The following FBXL17 variants were observed in gnomAD, a reference collection of about 807,000 sequenced individuals.
The protein encoded by FBXL17 is F-box/LRR-repeat protein 17.
A neutral mutation model predicts 66.2 loss-of-function variants in FBXL17; 22 were observed. That is an observed-to-expected ratio of 0.33 (90% confidence interval 0.24 to 0.47). The LOEUF (loss-of-function observed/expected upper bound fraction) is 0.47, where lower values mean the gene tolerates loss of function less well. FBXL17 is among the 20% of genes least tolerant of loss of function. The pLI is 1.00. For synonymous variants in FBXL17, 474 were observed against 400.5 expected, an observed-to-expected ratio of 1.18 and a Z score of -2.19; for missense variants, 878 against 948.2, an observed-to-expected ratio of 0.93 and a Z score of 0.97.
At chr5:108,265,916 A>T (rs1347427916) in intron 4 of FBXL17, among the ~76,000 whole-genome samples, 1 of 152,136 alleles carries the variant, frequency 6.6e-6, no homozygotes, top group Non-Finnish European at 1.5e-5. Context: ...GTAAGGTTCG[A>T]CACTACAATT....
chr5:108,243,487 A>C (rs1755954271), intron 4 of FBXL17, among the ~76,000 whole-genome samples: 1 of 152,176 alleles, frequency 6.6e-6, no homozygotes, highest in Non-Finnish European at 1.5e-5. Flanking sequence ...TAGCTCACTG[A>C]GATCAACAGG....
intron 3 of FBXL17, among the ~76,000 whole-genome samples, chr5:108,359,504 ACTCAT>A (rs1386437774): frequency 6.6e-6 from 1 of 151,920 alleles, no homozygotes; most frequent in African/African-American, 2.4e-5. Flanking sequence ...TTTCATTCTC[ACTCAT>A]CTCAAGATAT....
chr5:108,336,844 T>G (rs1044427020), intron 4 of FBXL17, among the ~76,000 whole-genome samples: 2 of 152,150 alleles, frequency 1.3e-5, no homozygotes, highest in Non-Finnish European at 2.9e-5. Flanking sequence ...AAATAAAAAT[T>G]GAATTTTACG....
At chr5:108,353,006 T>C (rs1747747894) in intron 3 of FBXL17, among the ~76,000 whole-genome samples, 1 of 152,128 alleles carries the variant, frequency 6.6e-6, no homozygotes, top group Non-Finnish European at 1.5e-5. Context: ...TAGAGGGATT[T>C]GGGAAACACC....
intron 7 of FBXL17, among the ~76,000 whole-genome samples, chr5:107,914,672 G>T (rs1473534991): frequency 1.3e-5 from 2 of 152,184 alleles, no homozygotes; most frequent in Non-Finnish European, 2.9e-5. Flanking sequence ...TGCTGGGAAT[G>T]CTCAGAGGAT....
intron 6 of FBXL17, among the ~76,000 whole-genome samples, chr5:108,171,488 G>C (rs1459500084): frequency 8.5e-5 from 13 of 152,088 alleles, no homozygotes; most frequent in African/African-American, 2.9e-4. Flanking sequence ...CTATGTCATG[G>C]AGTTAATGTG....
At chr5:108,097,076 G>A (rs180872485) in intron 6 of FBXL17, among the ~76,000 whole-genome samples, 1 of 152,162 alleles carries the variant, frequency 6.6e-6, no homozygotes, top group South Asian at 2.1e-4. Flanking sequence ...CCTGGTGGGA[G>A]GTGAATGGAT....
rs377169555 is a variant in FBXL17, at chr5:108,227,333, G to A, written c.1507-3105C>T. On this transcript the variant is annotated intron_variant, in intron 4 of 8. Coordinates refer to ENST00000542267, the MANE Select transcript of FBXL17 (RefSeq NM_001163315.3). ...AATGGCAGAATAAAATTCCTTTTTC[G>A]TCTCCCGCACCTCCAAAAAAATTTC... Among the ~76,000 whole-genome samples the A allele has an allele frequency of 4.5e-4, 69 of 152,048 alleles. 1 individual carries two copies. In the South Asian group the frequency reaches 7.3e-3, roughly 16 times the overall value.
intron 7 of FBXL17, among the ~76,000 whole-genome samples, chr5:108,008,968 C>T (rs1166160275): frequency 6.7e-6 from 1 of 150,158 alleles, no homozygotes; most frequent in African/African-American, 2.5e-5. Context: ...GCTCCTAGAG[C>T]CATATGTGAG....
At chr5:108,134,454 T>A (rs1023548691) in intron 6 of FBXL17, among the ~76,000 whole-genome samples, 18 of 152,154 alleles carry the variant, frequency 1.2e-4, no homozygotes, top group Non-Finnish European at 8.8e-5. Context: ...AGTTTTTAAA[T>A]AACAGATAGA....
chr5:108,188,279 T>C (rs1042781406), intron 5 of FBXL17, among the ~76,000 whole-genome samples: 10 of 152,284 alleles, frequency 6.6e-5, no homozygotes, highest in African/African-American at 2.4e-4. Context: ...TAGAGATAGC[T>C]GCGACAGATA....
intron 4 of FBXL17, among the ~76,000 whole-genome samples, chr5:108,292,825 C>A (rs540677854): frequency 1.3e-5 from 2 of 152,224 alleles, no homozygotes; most frequent in South Asian, 2.1e-4. Flanking sequence ...TGAGGCCGGG[C>A]GTGGTGGCTT....
chr5:107,878,837 G>A (rs1475859248), intron 8 of FBXL17: 3 of 985,506 alleles, frequency 3.0e-6, no homozygotes, highest in East Asian at 1.1e-4. Flanking sequence ...GAGGAAGCCA[G>A]ACAGCAAGGC....
chr5:108,378,129 T>C (rs1262156815), intron 1 of FBXL17, among the ~76,000 whole-genome samples: 1 of 152,038 alleles, frequency 6.6e-6, no homozygotes, highest in Non-Finnish European at 1.5e-5. Context: ...AAGCAGGTAA[T>C]ATTAACCTAT....
intron 1 of FBXL17, among the ~76,000 whole-genome samples, chr5:108,371,201 C>G (rs1008470639): frequency 5.9e-5 from 9 of 152,164 alleles, no homozygotes; most frequent in African/African-American, 1.9e-4. Context: ...ACGTCAGTAG[C>G]AGAGCTGCAA....
At chr5:108,352,405 A>C (rs1262922768) in intron 3 of FBXL17, among the ~76,000 whole-genome samples, 1 of 152,256 alleles carries the variant, frequency 6.6e-6, no homozygotes, top group Admixed American at 6.5e-5. Flanking sequence ...AAACATTCAG[A>C]GGGCATCAAC....
intron 4 of FBXL17, among the ~76,000 whole-genome samples, chr5:108,275,682 T>C (rs1757455861): frequency 6.6e-6 from 1 of 152,202 alleles, no homozygotes; most frequent in Admixed American, 6.5e-5. Context: ...TATTCAAATT[T>C]TGCAGATAGG....
chr5:107,936,733 TC>T (rs1309539376), intron 7 of FBXL17, among the ~76,000 whole-genome samples: 1 of 152,068 alleles, frequency 6.6e-6, no homozygotes, highest in Non-Finnish European at 1.5e-5. Context: ...GAGCCTCCAT[TC>T]CTGTTTCATA....
chr5:108,089,912 C>T (rs1307947975), intron 6 of FBXL17, among the ~76,000 whole-genome samples: 2 of 152,088 alleles, frequency 1.3e-5, no homozygotes, highest in African/African-American at 2.4e-5. Flanking sequence ...ACTGTAGACT[C>T]GACCTCCTGG....
Sources: gnomAD v4.1 joint callset for allele counts (sites outside exome capture counted in the v4.1 genomes callset) on GRCh38, gnomAD v4.1.1 for gene constraint, MANE v1.5 for transcripts, NCBI Gene and HGNC (gene_info 2026-07-23, HGNC 2026-07-21) for gene names.